BRAP: variants seen among roughly 807,000 people sequenced by gnomAD.
The protein encoded by BRAP is BRCA1-associated protein.
Under a neutral mutation model 73.4 loss-of-function variants are expected in BRAP, and 42 were observed. That is an observed-to-expected ratio of 0.57 (90% CI 0.45 to 0.74). BRAP has a LOEUF of 0.74. Ranked by LOEUF, BRAP falls within the 30% of genes least tolerant of loss-of-function variation. The pLI is 0.00. For synonymous variants in BRAP, 255 were observed against 267.4 expected, an observed-to-expected ratio of 0.95 and a Z score of 0.45; for missense variants, 593 against 751.4, an observed-to-expected ratio of 0.79 and a Z score of 2.46.
intron 3 of BRAP, among the ~76,000 whole-genome samples, chr12:111,680,617 C>T (rs866308053): frequency 2.0e-5 from 3 of 151,666 alleles, no homozygotes; most frequent in African/African-American, 4.8e-5. Flanking sequence ...TGCTTGAACC[C>T]GGGAGGGGAG....
rs545254379 is a variant in BRAP, at chr12:111,660,353, A to T, written c.972+247T>A. The stretch of plus-strand genomic sequence containing the variant: ...CCAACCCTAGACAAAAAGAAAAAAA[A>T]TTTTAAAGAATTTAGGCTGGGTGCA... On this transcript the variant is annotated intron_variant, in intron 7 of 11. Coordinates refer to ENST00000419234, the MANE Select transcript of BRAP (RefSeq NM_006768.5). Among the ~76,000 whole-genome samples, 7 of 152,188 alleles carry T rather than the reference A, an allele frequency of 4.6e-5. 1 individual carries two copies. The South Asian group carries it at 1.2e-3, about 27-fold the overall frequency.
In BRAP at chr12:111,681,559, A is replaced by T. The variant is rs992898168; in HGVS notation, c.443+78T>A. On this transcript the variant is annotated intron_variant, in intron 3 of 11. Coordinates refer to ENST00000419234, the MANE Select transcript of BRAP (RefSeq NM_006768.5). ...CTTAAAATACCCACTTTCCTTCAGG[A>T]CAAGAGACTATGCTAAAGCAAAGCA... 26 of 1,232,626 alleles carry T rather than the reference A, an allele frequency of 2.1e-5. No individual in the cohort carries two copies. In the East Asian group the frequency reaches 5.5e-4, roughly 26 times the overall value. The allele number at this position is 1,232,626 out of a possible 1,614,324, so 76.4% of individuals were successfully genotyped here.
chr12:111,681,961 C>T, intron 2 of BRAP, 126 bp from the exon 3 acceptor site: 1 of 872,400 alleles, frequency 1.1e-6, no homozygotes, highest in Non-Finnish European at 1.7e-6. Context: ...AATGCATTAA[C>T]AGCTATTATT....
chr12:111,647,496 G>A (rs925196863), intron 11 of BRAP, among the ~76,000 whole-genome samples: 5 of 152,190 alleles, frequency 3.3e-5, no homozygotes, highest in African/African-American at 7.2e-5. Flanking sequence ...AATATTCACT[G>A]GTACTGGTTA....
At chr12:111,657,066 G>A (rs1163264230) in intron 9 of BRAP, among the ~76,000 whole-genome samples, 2 of 151,986 alleles carry the variant, frequency 1.3e-5, no homozygotes, top group African/African-American at 2.4e-5. Flanking sequence ...TTTTGGAGAC[G>A]GAGTTTCGCT....
intron 5 of BRAP, among the ~76,000 whole-genome samples, chr12:111,666,689 C>A (rs1231213957): frequency 1.3e-5 from 2 of 152,116 alleles, no homozygotes; most frequent in Non-Finnish European, 2.9e-5. Flanking sequence ...AAAGGCATTC[C>A]TAAGACAGTG....
intron 5 of BRAP, among the ~76,000 whole-genome samples, chr12:111,671,381 C>A (rs1412871736): frequency 6.6e-6 from 1 of 151,872 alleles, no homozygotes; most frequent in Non-Finnish European, 1.5e-5. Context: ...GAAACCCCAT[C>A]TCCACTAAAA....
At chr12:111,648,655 C>T (rs865801179) in intron 11 of BRAP, among the ~76,000 whole-genome samples, 11 of 149,568 alleles carry the variant, frequency 7.4e-5, no homozygotes, top group African/African-American at 2.0e-4. Context: ...GGGCTGGGCA[C>T]GGTGGCTCAC....
At chr12:111,663,162 A>G (rs974332282) in intron 6 of BRAP, among the ~76,000 whole-genome samples, 1 of 152,086 alleles carries the variant, frequency 6.6e-6, no homozygotes, top group African/African-American at 2.4e-5. Context: ...AAAATAATCA[A>G]CAGTTTATCG....
At chr12:111,678,801 A>G (rs1887485527) in intron 4 of BRAP, among the ~76,000 whole-genome samples, 1 of 149,004 alleles carries the variant, frequency 6.7e-6, no homozygotes, top group Non-Finnish European at 1.5e-5. Flanking sequence ...CCTAAACTTC[A>G]TACTCAATCT....
At chr12:111,649,252 A>C (rs1012724838) in intron 11 of BRAP, among the ~76,000 whole-genome samples, 2 of 152,152 alleles carry the variant, frequency 1.3e-5, no homozygotes, top group African/African-American at 2.4e-5. Context: ...TCCCAGACTC[A>C]TGTGATCCTC....
chr12:111,676,664 T>G (rs1592995148), intron 4 of BRAP, among the ~76,000 whole-genome samples: 1 of 152,190 alleles, frequency 6.6e-6, no homozygotes, highest in East Asian at 1.9e-4. Flanking sequence ...TCCGCCCACC[T>G]TGGTCTCTCC....
intron 2 of BRAP, 90 bp downstream of exon 2, chr12:111,683,056 T>C: frequency 2.8e-6 from 4 of 1,404,928 alleles, no homozygotes; most frequent in Non-Finnish European, 3.9e-6. Flanking sequence ...ATGCTAGATG[T>C]TGAAATTGTA....
At chr12:111,684,857 C>A (rs1269901622) in intron 1 of BRAP, among the ~76,000 whole-genome samples, 3 of 152,116 alleles carry the variant, frequency 2.0e-5, no homozygotes, top group Non-Finnish European at 4.4e-5. Context: ...TTAGTACAGA[C>A]AGGGTTTCAC....
At chr12:111,667,718 A>AAAAAAAAAAAAAAAAAAAAAC (rs1434272891) in intron 5 of BRAP, among the ~76,000 whole-genome samples, 1 of 148,048 alleles carries the variant, frequency 6.8e-6, no homozygotes, top group East Asian at 2.0e-4. Flanking sequence ...AAAAAAAAAA[A>AAAAAAAAAAAAAAAAAAAAAC]AAAGCTCATA....
rs777568560 is a variant in BRAP at position 111,650,045 on chromosome 12, G to A, written c.1312-3C>T. On this transcript the variant is annotated splice_polypyrimidine_tract_variant and splice_region_variant and intron_variant, in intron 10 of 11. Transcript: ENST00000419234. ...AACTTGGTCTTCATGTTGTTAATCT[G>A]AAAGAGCAAAGAGAAATCAGATTCA... The A allele has an allele frequency of 6.4e-6, 10 of 1,570,344 alleles. No homozygotes were observed. Among genetic ancestry groups the A allele is most frequent in the Non-Finnish European group, 7.9e-6 (9 of 1,141,724 alleles).
chr12:111,665,356 A>C lies in BRAP; in HGVS notation c.896+283T>G, dbSNP rs891605492. 2.0e-5 allele frequency among the ~76,000 whole-genome samples: 3 copies of C among 152,064 alleles called. No individual in the cohort carries two copies. Among genetic ancestry groups the C allele is most frequent in the African/African-American group, 7.2e-5 (3 of 41,396 alleles). ...GACCTAGATTTCACTGCAGCACGAG[A>C]GCCTCAAACTAAGCTTTGCTTTTTT... is the stretch of plus-strand genomic sequence containing the variant. On this transcript the variant is annotated intron_variant, in intron 6 of 11. Coordinates refer to ENST00000419234, the MANE Select transcript of BRAP (RefSeq NM_006768.5). The surrounding 1 kb of genome is among the most constrained non-coding windows in gnomAD (Gnocchi z 4.3).
chr12:111,651,056 A>G (rs146782636), intron 10 of BRAP, among the ~76,000 whole-genome samples: 7 of 152,268 alleles, frequency 4.6e-5, no homozygotes, highest in African/African-American at 1.7e-4. Flanking sequence ...GACACCAGCA[A>G]AAGATTTGGT....
At chr12:111,657,191 C>G (rs1886568889) in intron 9 of BRAP, among the ~76,000 whole-genome samples, 1 of 152,038 alleles carries the variant, frequency 6.6e-6, no homozygotes, top group African/African-American at 2.4e-5. Context: ...TTACAGGCGC[C>G]CACCACCACA....
Sources: gnomAD v4.1 joint callset for allele counts (sites outside exome capture counted in the v4.1 genomes callset) on GRCh38, gnomAD v4.1.1 for gene constraint, Gnocchi (gnomAD v3.1) non-coding constraint, MANE v1.5 for transcripts, NCBI Gene and HGNC (gene_info 2026-07-23, HGNC 2026-07-21) for gene names.